PDE4D: variants seen among roughly 807,000 people sequenced by gnomAD.
PDE4D encodes phosphodiesterase 4D.
Under a neutral mutation model 87.4 loss-of-function variants are expected in PDE4D, and 24 were observed. The ratio of observed to expected loss-of-function variants is 0.27; its 90% CI spans 0.20 to 0.39. PDE4D has a LOEUF of 0.39. Among genes scored for constraint, PDE4D ranks in the 10% least tolerant of loss-of-function variants. The pLI, the probability that PDE4D is intolerant of heterozygous loss-of-function variation, is 1.00. For synonymous variants in PDE4D, 384 were observed against 383.2 expected, an observed-to-expected ratio of 1.00 and a Z score of -0.02; for missense variants, 714 against 1,041.0, an observed-to-expected ratio of 0.69 and a Z score of 4.32.
At chr5:59,719,891 T>C (rs1331464340) in intron 1 of PDE4D, among the ~76,000 whole-genome samples, 1 of 152,206 alleles carries the variant, frequency 6.6e-6, no homozygotes, top group African/African-American at 2.4e-5. Flanking sequence ...ATTACCACTT[T>C]ATGCAAAAAG....
chr5:59,858,014 G>A (rs762212131), intron 1 of PDE4D, among the ~76,000 whole-genome samples: 5 of 151,546 alleles, frequency 3.3e-5, no homozygotes, highest in African/African-American at 9.7e-5. Flanking sequence ...AGGAAGTAGC[G>A]AGGGAGGGAG....
chr5:60,252,833 A>C (rs1748626185), intron 1 of PDE4D, among the ~76,000 whole-genome samples: 1 of 151,778 alleles, frequency 6.6e-6, no homozygotes. Context: ...TACCACACAT[A>C]GGCTCCATTT....
At chr5:60,286,896 C>T (rs1429116224) in intron 1 of PDE4D, among the ~76,000 whole-genome samples, 1 of 152,102 alleles carries the variant, frequency 6.6e-6, no homozygotes, top group East Asian at 1.9e-4. Flanking sequence ...AATATCTTAG[C>T]CACAAAGGGA....
chr5:60,069,115 T>C (rs971391892), intron 2 of PDE4D, among the ~76,000 whole-genome samples: 2 of 152,202 alleles, frequency 1.3e-5, no homozygotes, highest in African/African-American at 4.8e-5. Flanking sequence ...CCAATCTCTA[T>C]GTGTATTCTT....
intron 2 of PDE4D, among the ~76,000 whole-genome samples, chr5:60,181,668 A>G (rs1371385930): frequency 6.6e-6 from 1 of 152,224 alleles, no homozygotes; most frequent in Non-Finnish European, 1.5e-5. Context: ...AATATCTTCA[A>G]ACTGGTAGGA....
chr5:59,562,397 C>T (rs530010670), intron 1 of PDE4D, among the ~76,000 whole-genome samples: 12 of 152,150 alleles, frequency 7.9e-5, no homozygotes, highest in South Asian at 6.2e-4. Flanking sequence ...TTTCCTGAAA[C>T]GGCAAAATAT....
At chr5:59,783,937 G>A (rs1380613378) in intron 1 of PDE4D, among the ~76,000 whole-genome samples, 1 of 152,016 alleles carries the variant, frequency 6.6e-6, no homozygotes, top group African/African-American at 2.4e-5. Context: ...GTGCACCTGT[G>A]GTCTTAGCTA....
intron 1 of PDE4D, among the ~76,000 whole-genome samples, chr5:59,301,931 T>C (rs747954060): frequency 6.6e-6 from 1 of 152,086 alleles, no homozygotes; most frequent in Non-Finnish European, 1.5e-5. Flanking sequence ...AACTTCCTCA[T>C]AAGATCCCAG....
At position 60,235,080 on chromosome 5, in the gene PDE4D, A is replaced by G. The variant is rs530662715; in HGVS notation, c.-89-49393T>C. Among the ~76,000 whole-genome samples the G allele has an allele frequency of 5.9e-5, 9 of 152,014 alleles. No individual in the cohort carries two copies. In the East Asian group the frequency reaches 1.6e-3, roughly 26 times the overall value. ...TCAGAAACTCTTTTCTAATTAAAAT[A>G]TAACAGCTAAATTATCAATTAAAAT... On this transcript the variant is annotated intron_variant, in intron 1 of 16. Coordinates refer to the PDE4D transcript ENST00000502484.
intron 1 of PDE4D, among the ~76,000 whole-genome samples, chr5:60,364,800 A>C (rs956687784): frequency 6.6e-6 from 1 of 152,212 alleles, no homozygotes; most frequent in Non-Finnish European, 1.5e-5. Context: ...TGTGCCTAAA[A>C]GATTAAATAT....
chr5:60,459,065 G>A (rs929176293), intron 1 of PDE4D, among the ~76,000 whole-genome samples: 12 of 151,776 alleles, frequency 7.9e-5, no homozygotes, highest in African/African-American at 2.9e-4. Context: ...TACTTTTCAC[G>A]TTTAAAACTG....
chr5:60,474,151 A>AT (rs1748124819), intron 1 of PDE4D, among the ~76,000 whole-genome samples: 2 of 32,668 alleles, frequency 6.1e-5, no homozygotes, highest in Non-Finnish European at 1.1e-4. Flanking sequence ...TATATATATA[A>AT]CAAAAACCTT....
At chr5:59,693,091 T>A (rs1751229610) in intron 1 of PDE4D, among the ~76,000 whole-genome samples, 1 of 152,006 alleles carries the variant, frequency 6.6e-6, no homozygotes, top group South Asian at 2.1e-4. Context: ...AATTATAAAG[T>A]TGTTCATCAG....
At chr5:60,453,618 A>C (rs1746253901) in intron 1 of PDE4D, among the ~76,000 whole-genome samples, 1 of 152,154 alleles carries the variant, frequency 6.6e-6, no homozygotes, top group Admixed American at 6.6e-5. Flanking sequence ...TGGTTGCCAT[A>C]AATTTCAAAA....
intron 1 of PDE4D, among the ~76,000 whole-genome samples, chr5:60,391,403 T>C (rs1003512237): frequency 1.3e-5 from 2 of 152,060 alleles, no homozygotes; most frequent in African/African-American, 4.8e-5. Context: ...CATGCCACAG[T>C]TCCATAGGAC....
Position 60,355,630 on chromosome 5 carries a change from A to T in PDE4D, c.-90+132312T>A, listed in dbSNP as rs978249361. ...TAACTTTTGACTCCCAAAAAACTTA[A>T]CTACTAATAGGCTACTGTTGAGCAA... On this transcript the variant is annotated intron_variant, in intron 1 of 16. Transcript: ENST00000502484. Among the ~76,000 whole-genome samples, 4 of 152,196 alleles carry T rather than the reference A, an allele frequency of 2.6e-5. No individual in the cohort carries two copies. In the South Asian group the frequency reaches 6.2e-4, roughly 24 times the overall value.
intron 1 of PDE4D, among the ~76,000 whole-genome samples, chr5:59,717,669 C>T (rs575482550): frequency 1.3e-5 from 2 of 152,160 alleles, no homozygotes; most frequent in Non-Finnish European, 2.9e-5. Context: ...GGCTTCATTA[C>T]GATATTTAAG....
intron 2 of PDE4D, among the ~76,000 whole-genome samples, chr5:59,989,452 G>A (rs1474172378): frequency 1.3e-5 from 2 of 151,960 alleles, no homozygotes; most frequent in Admixed American, 6.6e-5. Flanking sequence ...GAGAGAGGAA[G>A]AAAAGTCCTA....
intron 1 of PDE4D, among the ~76,000 whole-genome samples, chr5:59,843,827 G>A (rs998982718): frequency 6.6e-6 from 1 of 152,100 alleles, no homozygotes; most frequent in African/African-American, 2.4e-5. Flanking sequence ...CAAGAGTTCA[G>A]CCTACTTGCT....
Sources: allele counts gnomAD v4.1 joint callset (sites outside exome capture counted in the v4.1 genomes callset), GRCh38; gene constraint gnomAD v4.1.1; transcripts MANE v1.5; gene names NCBI Gene and HGNC (gene_info 2026-07-23, HGNC 2026-07-21).